RRM2: variants seen among roughly 807,000 people sequenced by gnomAD.
The protein encoded by RRM2 is ribonucleoside-diphosphate reductase subunit M2.
Under a neutral mutation model 45.9 loss-of-function variants are expected in RRM2, and 6 were observed. The ratio of observed to expected loss-of-function variants is 0.13; its 90% CI spans 0.07 to 0.26. The LOEUF is 0.26. Among genes scored for constraint, RRM2 ranks in the 10% least tolerant of loss-of-function variants. The pLI, the probability that RRM2 is intolerant of heterozygous loss-of-function variation, is 1.00. For synonymous variants in RRM2, 177 were observed against 173.0 expected, an observed-to-expected ratio of 1.02 and a Z score of -0.18; for missense variants, 343 against 489.5, an observed-to-expected ratio of 0.70 and a Z score of 2.82.
intron 7 of RRM2, 136 bp from the exon 8 acceptor site, chr2:10,128,712 C>T (rs944006043): frequency 1.5e-6 from 1 of 670,822 alleles, no homozygotes. Flanking sequence ...GTCATCTTCC[C>T]TTTGAGAGTT....
intron 3 of RRM2, among the ~76,000 whole-genome samples, chr2:10,200,402 G>A (rs183390415): frequency 2.6e-5 from 4 of 151,372 alleles, no homozygotes; most frequent in East Asian, 2.0e-4. Context: ...CAGGGACTGC[G>A]CGCACAAAAT....
At chr2:10,128,805 CAG>C (rs759409421) in intron 7 of RRM2, 41 bp from the exon 8 acceptor site, 27 of 1,329,102 alleles carry the variant, frequency 2.0e-5, no homozygotes, top group Non-Finnish European at 2.4e-5. Flanking sequence ...ATGTTAATGA[CAG>C]AAGTCTTCTG....
intron 3 of RRM2, among the ~76,000 whole-genome samples, chr2:10,200,460 CCGCG>C (rs1664531976): frequency 1.2e-5 from 1 of 82,326 alleles, no homozygotes; most frequent in African/African-American, 3.8e-5. Context: ...CCCACAGGGA[CCGCG>C]CGCGCAAAAT....
chr2:10,206,705 TA>T (rs2125335558), intron 3 of RRM2, among the ~76,000 whole-genome samples: 1 of 152,320 alleles, frequency 6.6e-6, no homozygotes, highest in East Asian at 1.9e-4. Context: ...AATCCATATT[TA>T]GATCCATCAG....
intron 3 of RRM2, among the ~76,000 whole-genome samples, chr2:10,190,727 C>CTTGGTGGTGGTGGTGATG (rs148220050): frequency 3.3e-5 from 2 of 60,198 alleles, no homozygotes; most frequent in African/African-American, 5.4e-5. Context: ...GAGTGATGAT[C>CTTGGTGGTGGTGGTGATG]TTGGCGGTGA....
intron 3 of RRM2, among the ~76,000 whole-genome samples, chr2:10,147,590 C>T (rs769193299): frequency 6.6e-5 from 10 of 152,196 alleles, no homozygotes; most frequent in Non-Finnish European, 1.2e-4. Context: ...AACTCCTGGG[C>T]TTAAGCCATC....
downstream of RRM2, among the ~76,000 whole-genome samples, chr2:10,136,364 C>T (rs1194672385): frequency 2.0e-5 from 3 of 152,128 alleles, no homozygotes; most frequent in East Asian, 3.8e-4. Context: ...GGGTGGGCCT[C>T]CACTGTGCAG....
At chr2:10,132,828 G>T (rs552433021), downstream of RRM2, among the ~76,000 whole-genome samples, 40 of 152,358 alleles carry the variant, frequency 2.6e-4, 1 homozygote, top group Middle Eastern at 6.8e-3. Context: ...TACTAGGACA[G>T]CCTCCCTGTG....
At chr2:10,198,308 G>A (rs1225225593) in intron 3 of RRM2, among the ~76,000 whole-genome samples, 2 of 151,998 alleles carry the variant, frequency 1.3e-5, no homozygotes, top group East Asian at 1.9e-4. Context: ...CCATGTTTAC[G>A]GTGACCTCTG....
intron 4 of RRM2, 108 bp downstream of exon 4, chr2:10,123,960 G>T: frequency 4.2e-6 from 3 of 712,746 alleles, no homozygotes; most frequent in Non-Finnish European, 5.0e-6. Context: ...ATCTGTGTGT[G>T]TAAGCTGGGT....
chr2:10,127,039 C>G lies in RRM2; in HGVS notation c.665-48C>G. 1 of 1,611,474 alleles carries G rather than the reference C, an allele frequency of 6.2e-7. No individual in the cohort carries two copies. Among genetic ancestry groups the G allele is most frequent in the Non-Finnish European group, 8.5e-7 (1 of 1,177,848 alleles). The stretch of plus-strand genomic sequence containing the variant: ...AAGTAATGTTACTGGATTTTTGGCC[C>G]TTGAATACCAACTCACTAGAATCAT... On this transcript the variant is annotated intron_variant, in intron 6 of 9. Transcript: ENST00000304567. This position sits in a 1 kb window ranked among gnomAD's most constrained non-coding sequence, Gnocchi z 4.1.
intron 3 of RRM2, among the ~76,000 whole-genome samples, chr2:10,163,339 G>T (rs1200178774): frequency 7.6e-5 from 10 of 131,866 alleles, no homozygotes; most frequent in East Asian, 2.8e-4. Flanking sequence ...GCGGGGGGGT[G>T]GGGGGGCATC....
rs1008363580 is a variant in RRM2, at chr2:10,172,971, G to A, written n.482+30596G>A. Among the ~76,000 whole-genome samples the A allele has an allele frequency of 2.6e-5, 4 of 152,132 alleles. No individual in the cohort carries two copies. The highest frequency in any genetic ancestry group is 7.2e-5 in the African/African-American group (3 of 41,440). ...AATGGAAAATCCAGTTTCCTTCGCC[G>A]TCTTCCTTGTCTGTCCTCTCCTGCC... On this transcript the variant is annotated intron_variant and non_coding_transcript_variant, in intron 3 of 3. Coordinates refer to the RRM2 transcript ENST00000381786. This position sits in a 1 kb window ranked among gnomAD's most constrained non-coding sequence, Gnocchi z 4.9.
In RRM2 at chr2:10,124,857, A is replaced by G. The variant is rs756826329; in HGVS notation, c.569+7A>G. The G allele has an allele frequency of 6.3e-7, 1 of 1,590,964 alleles. No individual in the cohort carries two copies. The highest frequency in any genetic ancestry group is 1.7e-5 in the Admixed American group (1 of 58,360). ...TAAAAGATCCCAAAGAAAGGTGAGT[A>G]TTCAAGTGGTATGCCAAGATTTTTA... is the stretch of plus-strand genomic sequence containing the variant. On this transcript the variant is annotated splice_region_variant and intron_variant, in intron 5 of 9. Transcript: ENST00000304567.
At chr2:10,137,161 C>T (rs560660818), upstream of RRM2, among the ~76,000 whole-genome samples, 8 of 152,310 alleles carry the variant, frequency 5.3e-5, no homozygotes, top group South Asian at 1.4e-3. Flanking sequence ...AGATGATTGC[C>T]CCCATTTTAC....
At position 10,127,254 on chromosome 2, in the gene RRM2, C is replaced by T. The variant is rs1024396051; in HGVS notation, c.798+34C>T. 5 of 1,600,676 alleles carry T rather than the reference C, an allele frequency of 3.1e-6. No individual in the cohort carries two copies. The East Asian group carries it at 6.7e-5, about 22-fold the overall frequency. On this transcript the variant is annotated intron_variant, in intron 7 of 9. Coordinates refer to ENST00000304567, the MANE Select transcript of RRM2 (RefSeq NM_001034.4). The surrounding 1 kb of genome is among the most constrained non-coding windows in gnomAD (Gnocchi z 4.1). The stretch of plus-strand genomic sequence containing the variant: ...AAGTCAAATAATAGGGTGACCTAAA[C>T]CCCAAACACAACTCGGGCATGCTCT...
chr2:10,170,999 A>G (rs1457165729), intron 3 of RRM2, among the ~76,000 whole-genome samples: 1 of 152,190 alleles, frequency 6.6e-6, no homozygotes, highest in Non-Finnish European at 1.5e-5. Flanking sequence ...AGCTCCTTTG[A>G]GATGCGGGGC....
chr2:10,141,925 G>C, exon 2 of RRM2: 1 of 1,578,658 alleles, frequency 6.3e-7, no homozygotes, highest in Non-Finnish European at 8.6e-7. Context: ...CAGTGAGGGA[G>C]ATGGAGACCA....
rs1368585158 is a variant in RRM2 at position 10,195,724 on chromosome 2, G to A, written n.483-14587G>A. ...CTGACTGCCCAGCAGCAGTGTTCTT[G>A]GGCCTCAGGGACGTGTCGTGACTGG... On this transcript the variant is annotated intron_variant and non_coding_transcript_variant, in intron 3 of 3. Coordinates refer to the RRM2 transcript ENST00000381786. This position sits in a 1 kb window ranked among gnomAD's most constrained non-coding sequence, Gnocchi z 4.9. 3.3e-5 allele frequency among the ~76,000 whole-genome samples: 5 copies of A among 152,146 alleles called. No homozygotes were observed. The highest frequency in any genetic ancestry group is 6.5e-5 in the Admixed American group (1 of 15,282).
Sources: gnomAD v4.1 joint callset for allele counts (sites outside exome capture counted in the v4.1 genomes callset) on GRCh38, gnomAD v4.1.1 for gene constraint, Gnocchi (gnomAD v3.1) non-coding constraint, MANE v1.5 for transcripts, NCBI Gene and HGNC (gene_info 2026-07-23, HGNC 2026-07-21) for gene names.